EML6: variants seen among roughly 807,000 people sequenced by gnomAD.
EML6 encodes echinoderm microtubule-associated protein-like 6.
A neutral mutation model predicts 240.1 loss-of-function variants in EML6; 154 were observed. That is an observed-to-expected ratio of 0.64 (90% CI 0.56 to 0.73). The LOEUF (loss-of-function observed/expected upper bound fraction) is 0.73, where lower values mean the gene tolerates loss of function less well. EML6 is among the 30% of genes least tolerant of loss of function. EML6 has a pLI of 0.00. For missense variants in EML6, 2,964 were observed against 2,474.6 expected (o/e 1.20, Z -4.20); for synonymous variants, 1,148 against 899.0 (o/e 1.28, Z -4.95).
At chr2:54,962,032 C>A (rs1300165222) in intron 35 of EML6, among the ~76,000 whole-genome samples, 1 of 150,832 alleles carries the variant, frequency 6.6e-6, no homozygotes, top group Admixed American at 6.6e-5. Context: ...ACACTTCTCA[C>A]CCCTTCTTAT....
chr2:54,766,620 AT>A (rs11362956), intron 2 of EML6, among the ~76,000 whole-genome samples: 31,737 of 151,214 alleles, frequency 0.21, 3,612 homozygotes, highest in Middle Eastern at 0.32. Flanking sequence ...CAAAGTTACT[AT>A]TTTTTTTTCC....
chr2:54,816,758 AG>A (rs1308529120), intron 3 of EML6, 28 bp from the exon 4 acceptor site: 1 of 1,450,824 alleles, frequency 6.9e-7, no homozygotes, highest in Admixed American at 2.0e-5. Context: ...CATCACTTTT[AG>A]GTACTAAATT....
Position 54,850,030 on chromosome 2 carries a change from A to G in EML6, c.1256A>G (p.Asp419Gly), listed in dbSNP as rs1198215051. ...ATTCATGAAATGAAATTTTCTCCAG[A>G]TGGTTCTTACCTTGCAGTGGGATCC... ...EVIHEMKFSP[D>G]GSYLAVGSND... Residue 419 changes from aspartate to glycine, a missense_variant, in exon 10 of 42, where the codon GAT (aspartate) becomes GGT (glycine). Transcript: ENST00000356458. The G allele has an allele frequency of 6.4e-7, 1 of 1,551,828 alleles. No individual in the cohort carries two copies. Among genetic ancestry groups the G allele is most frequent in the Non-Finnish European group, 8.7e-7 (1 of 1,146,948 alleles).
chr2:54,859,270 G>C (rs1223804131), intron 11 of EML6, among the ~76,000 whole-genome samples: 1 of 152,188 alleles, frequency 6.6e-6, no homozygotes, highest in African/African-American at 2.4e-5. Context: ...AATCAGTGAA[G>C]CAGTAGGCAT....
At chr2:54,763,892 A>G (rs1668076282) in intron 2 of EML6, among the ~76,000 whole-genome samples, 1 of 152,124 alleles carries the variant, frequency 6.6e-6, no homozygotes, top group African/African-American at 2.4e-5. Flanking sequence ...GAGGCTGGGA[A>G]GTGAGGTTCA....
intron 28 of EML6, among the ~76,000 whole-genome samples, chr2:54,932,234 C>T (rs1022227710): frequency 3.3e-5 from 5 of 152,218 alleles, no homozygotes; most frequent in Non-Finnish European, 5.9e-5. Context: ...CTCCAGCTTT[C>T]CTCTAACACA....
Position 54,903,139 on chromosome 2 carries a change from G to T in EML6, c.3220G>T (p.Asp1074Tyr), listed in dbSNP as rs1328063822. 6.4e-7 allele frequency: 1 copy of T among 1,551,896 alleles called. No individual in the cohort carries two copies. Among genetic ancestry groups the T allele is most frequent in the African/African-American group, 1.4e-5 (1 of 73,178 alleles). The change falls in exon 23 of 42, where the codon GAC (aspartate) becomes TAC (tyrosine). Residue 1074 changes from aspartate (D) to tyrosine (Y), a missense_variant. Asp to Tyr is a radical substitution (Grantham distance 160, BLOSUM62 -3). Transcript: ENST00000356458. ...GGTGGTAAATGCTGACACTGTTGAAGACATGGTCTCTTTCCATCACAGAAA... is the reference window on the plus strand; with the variant it reads ...GGTGGTAAATGCTGACACTGTTGAATACATGGTCTCTTTCCATCACAGAAA... ...FLVVNADTVE[D>Y]MVSFHHRKEM...
chr2:54,744,762 T>C (rs1282903681), intron 2 of EML6, among the ~76,000 whole-genome samples: 1 of 152,006 alleles, frequency 6.6e-6, no homozygotes, highest in African/African-American at 2.4e-5. Flanking sequence ...TCAGACATGC[T>C]GAGTTTGAGG....
intron 2 of EML6, among the ~76,000 whole-genome samples, chr2:54,785,170 CTTTTTTTTTTTTTT>C (rs57639955): frequency 2.9e-5 from 3 of 102,644 alleles, no homozygotes; most frequent in African/African-American, 1.1e-4. Context: ...CACACACACA[CTTTTTTTTTTTTTT>C]TTTTTTTTTA....
intron 16 of EML6, among the ~76,000 whole-genome samples, chr2:54,878,349 G>C (rs1671617549): frequency 6.6e-6 from 1 of 152,142 alleles, no homozygotes; most frequent in Non-Finnish European, 1.5e-5. Flanking sequence ...GGTAGTCAGA[G>C]AAGAGCCCTG....
At chr2:54,932,625 A>G (rs1674922236) in intron 28 of EML6, among the ~76,000 whole-genome samples, 1 of 152,230 alleles carries the variant, frequency 6.6e-6, no homozygotes, top group Admixed American at 6.5e-5. Flanking sequence ...TAAATATCAG[A>G]AAAGTTCCTT....
chr2:54,959,761 T>C (rs996077833), intron 34 of EML6, among the ~76,000 whole-genome samples: 16 of 152,056 alleles, frequency 1.1e-4, no homozygotes, highest in Admixed American at 5.2e-4. Context: ...AAACTCCATC[T>C]CAAAATAAAT....
chr2:54,855,349 G>C (rs1481966785), intron 11 of EML6, among the ~76,000 whole-genome samples: 1 of 152,072 alleles, frequency 6.6e-6, no homozygotes, highest in African/African-American at 2.4e-5. Flanking sequence ...CTACACTTGT[G>C]AGCAAGCAGA....
intron 24 of EML6, among the ~76,000 whole-genome samples, chr2:54,905,104 G>T (rs545603175): frequency 3.3e-5 from 5 of 152,282 alleles, no homozygotes; most frequent in Admixed American, 1.3e-4. Flanking sequence ...GGCAGTGCTG[G>T]CCAGACAAAG....
At chr2:54,789,513 CAAAAAAAAAAAAAAAAAAAAAAAAAA>C (rs576842183) in intron 2 of EML6, among the ~76,000 whole-genome samples, 1 of 77,900 alleles carries the variant, frequency 1.3e-5, no homozygotes. Flanking sequence ...GACTTCGTCT[CAAAAAAAAAAAAAAAAAAAAAAAAAA>C]AAAAAAAAAG....
chr2:54,781,194 A>G (rs1668840381), intron 2 of EML6, among the ~76,000 whole-genome samples: 1 of 152,222 alleles, frequency 6.6e-6, no homozygotes, highest in Non-Finnish European at 1.5e-5. Flanking sequence ...AATGGTCAGT[A>G]TCTTGCCCAG....
At chr2:54,826,716 C>T (rs183759950) in intron 5 of EML6, among the ~76,000 whole-genome samples, 4 of 152,090 alleles carry the variant, frequency 2.6e-5, no homozygotes, top group Non-Finnish European at 2.9e-5. Context: ...GTCTTCTACA[C>T]AATGGACACA....
chr2:54,725,766 TG>T lies in EML6; in HGVS notation c.197+512del, dbSNP rs774150642. On this transcript the variant is annotated intron_variant, in intron 2 of 41. Coordinates refer to ENST00000356458, the MANE Select transcript of EML6 (RefSeq NM_001039753.4). The surrounding 1 kb of genome is among the most constrained non-coding windows in gnomAD (Gnocchi z 4.3). The stretch of plus-strand genomic sequence containing the variant: ...GGACCTGGGAAATTTCTGCAGTGGG[TG>T]GGGAGTTTGTTCTCTAATATTTCAC... Among the ~76,000 whole-genome samples the T allele has an allele frequency of 1.3e-5, 2 of 152,154 alleles. No individual in the cohort carries two copies. The highest frequency in any genetic ancestry group is 2.9e-5 in the Non-Finnish European group (2 of 68,018).
At chr2:54,880,155 G>C (rs1235381528) in intron 17 of EML6, 2 of 153,594 alleles carry the variant, frequency 1.3e-5, no homozygotes, top group Admixed American at 1.3e-4. Context: ...ACCGACTGCT[G>C]TTTATAGACC....
Sources: gnomAD v4.1 joint callset for allele counts (sites outside exome capture counted in the v4.1 genomes callset) on GRCh38, gnomAD v4.1.1 for gene constraint, Gnocchi (gnomAD v3.1) non-coding constraint, MANE v1.5 for transcripts, NCBI Gene and HGNC (gene_info 2026-07-23, HGNC 2026-07-21) for gene names.